HAUS6: variants seen among roughly 807,000 people sequenced by gnomAD.
HAUS6 encodes the protein HAUS augmin-like complex subunit 6.
A neutral mutation model predicts 106.8 loss-of-function variants in HAUS6; 80 were observed. The ratio of observed to expected loss-of-function variants is 0.75; its 90% CI spans 0.63 to 0.90. The LOEUF is 0.90. HAUS6 is among the 40% of genes least tolerant of loss of function. The pLI, the probability that HAUS6 is intolerant of heterozygous loss-of-function variation, is 0.00. For missense variants in HAUS6, 1,155 were observed against 1,118.1 expected (o/e 1.03, Z -0.47); for synonymous variants, 356 against 379.1 (o/e 0.94, Z 0.71).
intron 13 of HAUS6, 60 bp from the exon 14 acceptor site, chr9:19,063,253 T>C (rs974341665): frequency 2.7e-6 from 3 of 1,106,106 alleles, no homozygotes; most frequent in African/African-American, 3.1e-5. Context: ...CCTGAAGCTG[T>C]CTTCATTAGC....
In HAUS6 at chr9:19,093,267, A is replaced by G; in HGVS notation, c.340T>C (p.Ser114Pro). ...CGSSFPQVVG[S>P]LFLSPGGPKF... is the part of the protein sequence containing the mutation. Reference sequence around the variant, plus strand: ...GGACCACCAGGAGAAAGAAATAGTGAACCAACAACTTGAGGAAAGCTACTT... The same window carrying G: ...GGACCACCAGGAGAAAGAAATAGTGGACCAACAACTTGAGGAAAGCTACTT... The change falls in exon 4 of 17, where the codon TCA becomes CCA. Residue 114 changes from serine to proline, a missense_variant. This residue lies in a region of HAUS6 where 761 missense variants were observed against 690.0 expected (regional missense o/e 1.10). Coordinates refer to ENST00000380502, the MANE Select transcript of HAUS6 (RefSeq NM_017645.5). 2 of 1,609,282 alleles carry G rather than the reference A, an allele frequency of 1.2e-6. No homozygotes were observed. The highest frequency in any genetic ancestry group is 1.7e-6 in the Non-Finnish European group (2 of 1,177,648).
chr9:19,063,698 C>T (rs750667507), intron 12 of HAUS6, 118 bp from the exon 13 acceptor site: 36 of 806,944 alleles, frequency 4.5e-5, no homozygotes, highest in South Asian at 2.1e-4. Context: ...TCACTCAATT[C>T]GTCCCGGTCA....
At chr9:19,057,843 A>T in intron 16 of HAUS6, 118 bp downstream of exon 16, 1 of 619,044 alleles carries the variant, frequency 1.6e-6, no homozygotes, top group Non-Finnish European at 2.8e-6. Context: ...ATCCTAAATG[A>T]AGGAAGGGGG....
At chr9:19,084,231 T>A (rs1490144038) in intron 7 of HAUS6, among the ~76,000 whole-genome samples, 1 of 152,108 alleles carries the variant, frequency 6.6e-6, no homozygotes, top group Non-Finnish European at 1.5e-5. Context: ...TGGATAAATA[T>A]CATAAACAAT....
At chr9:19,072,472 C>T (rs1054015661) in intron 11 of HAUS6, among the ~76,000 whole-genome samples, 8 of 150,798 alleles carry the variant, frequency 5.3e-5, no homozygotes, top group Non-Finnish European at 1.2e-4. Context: ...GAGATTGTGC[C>T]ACTACACTCA....
chr9:19,098,432 G>A (rs1004357914), intron 1 of HAUS6, among the ~76,000 whole-genome samples: 1 of 87,006 alleles, frequency 1.1e-5, no homozygotes, highest in African/African-American at 5.3e-5. Context: ...GCAAGACTTC[G>A]TCTCAAAAAA....
chr9:19,088,577 A>T (rs1403371799), intron 5 of HAUS6, among the ~76,000 whole-genome samples: 1 of 151,660 alleles, frequency 6.6e-6, no homozygotes, highest in African/African-American at 2.4e-5. Flanking sequence ...AACTTTTTAA[A>T]CTAAAGTGGG....
intron 1 of HAUS6, 147 bp downstream of exon 1, chr9:19,102,377 G>T: frequency 1.2e-6 from 1 of 863,788 alleles, no homozygotes; most frequent in Non-Finnish European, 1.8e-6. Flanking sequence ...GGCAGCAACT[G>T]GGAGTAGGAA....
intron 1 of HAUS6, among the ~76,000 whole-genome samples, chr9:19,101,143 T>A (rs979301108): frequency 6.6e-6 from 1 of 152,218 alleles, no homozygotes; most frequent in African/African-American, 2.4e-5. Flanking sequence ...GCTATCCCAT[T>A]TATCCTGATC....
chr9:19,078,857 A>C (rs1218363459), intron 9 of HAUS6, among the ~76,000 whole-genome samples: 2 of 149,810 alleles, frequency 1.3e-5, no homozygotes, highest in Non-Finnish European at 3.0e-5. Context: ...AAAAAAAAAA[A>C]AAAAGACCAG....
intron 1 of HAUS6, among the ~76,000 whole-genome samples, chr9:19,097,923 T>C (rs1817897527): frequency 1.3e-5 from 2 of 152,350 alleles, no homozygotes; most frequent in Admixed American, 6.5e-5. Flanking sequence ...AGGATTACTA[T>C]TCTCTTGCGT....
chr9:19,078,713 A>G (rs1048144713), intron 9 of HAUS6, among the ~76,000 whole-genome samples: 2 of 151,964 alleles, frequency 1.3e-5, no homozygotes, highest in Non-Finnish European at 1.5e-5. Flanking sequence ...GCTTGAACCC[A>G]GGAGGCAGAG....
At chr9:19,078,724 G>A (rs1305165846) in intron 9 of HAUS6, among the ~76,000 whole-genome samples, 1 of 151,746 alleles carries the variant, frequency 6.6e-6, no homozygotes, top group Non-Finnish European at 1.5e-5. Flanking sequence ...GGAGGCAGAG[G>A]TTGCAGTGAG....
chr9:19,081,277 A>C (rs1289293122), intron 8 of HAUS6, among the ~76,000 whole-genome samples: 1 of 152,168 alleles, frequency 6.6e-6, no homozygotes, highest in African/African-American at 2.4e-5. Context: ...ATAAAGATTG[A>C]GCAGAAACAG....
At chr9:19,085,824 C>A (rs1318796078) in intron 7 of HAUS6, among the ~76,000 whole-genome samples, 3 of 152,034 alleles carry the variant, frequency 2.0e-5, no homozygotes, top group Admixed American at 2.0e-4. Flanking sequence ...GGTTATACTA[C>A]AATCAAGCAG....
At chr9:19,076,572 C>A in intron 11 of HAUS6, 30 bp downstream of exon 11, 1 of 986,598 alleles carries the variant, frequency 1.0e-6, no homozygotes, top group East Asian at 2.4e-5. Flanking sequence ...AAGGAGGTTT[C>A]AAAGAGAAAA....
At position 19,089,440 on chromosome 9, in the gene HAUS6, C is replaced by T. The variant is rs1817698777; in HGVS notation, c.556G>A (p.Val186Ile). 6.2e-7 allele frequency: 1 copy of T among 1,611,036 alleles called. No homozygotes were observed. The highest frequency in any genetic ancestry group is 1.7e-5 in the Admixed American group (1 of 59,956). ...GCATTTTCCTGATATTTTTGGGTAA[C>T]ACAATCTTGTCTTTGCAAAATTTGT... ...FLQILQRQDC[V>I]TQKYQENAQL... The change falls in exon 5 of 17, where the codon GTT becomes ATT. Residue 186 changes from valine (V) to isoleucine (I), a missense_variant. Val to Ile is a conservative substitution (Grantham distance 29). Around this residue, in one of 3 missense-constraint regions of HAUS6, gnomAD observed 761 missense variants for 690.0 expected, o/e 1.10. Transcript: ENST00000380502.
chr9:19,080,819 G>A, intron 8 of HAUS6, 147 bp from the exon 9 acceptor site: 1 of 583,646 alleles, frequency 1.7e-6, no homozygotes, highest in South Asian at 2.2e-5. Flanking sequence ...TGTAATCCCA[G>A]CACTCTGGGA....
At chr9:19,098,606 G>A (rs1222410882) in intron 1 of HAUS6, among the ~76,000 whole-genome samples, 1 of 152,054 alleles carries the variant, frequency 6.6e-6, no homozygotes, top group Non-Finnish European at 1.5e-5. Context: ...ATAATTAACT[G>A]CAAAGCGCTT....
Sources: gnomAD v4.1 joint callset for allele counts (sites outside exome capture counted in the v4.1 genomes callset) on GRCh38, gnomAD v4.1.1 for gene constraint, gnomAD v4.1.1 regional missense constraint, MANE v1.5 for transcripts, NCBI Gene and HGNC (gene_info 2026-07-23, HGNC 2026-07-21) for gene names.